Variants in DDX10 observed in about 807,000 individuals in gnomAD.
The protein encoded by DDX10 is DEAD-box helicase 10.
In DDX10, 74 loss-of-function variants were observed where a neutral mutation model predicts 104.3. That is an observed-to-expected ratio of 0.71 (90% CI 0.59 to 0.86). The LOEUF (loss-of-function observed/expected upper bound fraction) is 0.86, where lower values mean the gene tolerates loss of function less well. Ranked by LOEUF, DDX10 falls within the 40% of genes least tolerant of loss-of-function variation. The probability of loss-of-function intolerance (pLI) is 0.00; values close to 1 mark genes in which losing one functional copy is unlikely to be tolerated. For synonymous variants in DDX10, 351 were observed against 353.4 expected, an observed-to-expected ratio of 0.99 and a Z score of 0.08; for missense variants, 952 against 1,040.0, an observed-to-expected ratio of 0.92 and a Z score of 1.16.
intron 13 of DDX10, among the ~76,000 whole-genome samples, chr11:108,807,992 A>G (rs530601350): frequency 4.3e-4 from 65 of 152,320 alleles, no homozygotes; most frequent in African/African-American, 1.4e-3. Context: ...GCGAAGCTGT[A>G]GATACGTCAG....
intron 6 of DDX10, among the ~76,000 whole-genome samples, chr11:108,683,529 A>G (rs1038650162): frequency 6.6e-6 from 1 of 152,152 alleles, no homozygotes; most frequent in East Asian, 1.9e-4. Flanking sequence ...TAGCTCTCAG[A>G]TGCTGCCAGT....
intron 12 of DDX10, among the ~76,000 whole-genome samples, chr11:108,721,764 A>C (rs928019092): frequency 1.3e-5 from 2 of 152,228 alleles, no homozygotes; most frequent in African/African-American, 4.8e-5. Flanking sequence ...TTACTAAAGA[A>C]ACATGTTTTG....
intron 13 of DDX10, among the ~76,000 whole-genome samples, chr11:108,823,597 T>C (rs970055807): frequency 6.6e-6 from 1 of 152,196 alleles, no homozygotes; most frequent in South Asian, 2.1e-4. Flanking sequence ...ATTATTGTAG[T>C]TCTTTGTGAA....
At position 108,838,523 on chromosome 11, in the gene DDX10, T is replaced by C; in HGVS notation, c.2043T>C (p.Asn681=). Residue 681 remains asparagine, a synonymous_variant, in exon 14 of 18, where the codon AAT becomes AAC. Transcript: ENST00000322536. ...VAEAKKVMKR[N]FKVNKKITFT... ...AAGCAAAAAAAGTAATGAAGAGAAA[T>C]TTTAAAGTGAATAAGAAGATAACAT... 6.2e-7 allele frequency: 1 copy of C among 1,612,654 alleles called. No homozygotes were observed. Among genetic ancestry groups the C allele is most frequent in the Non-Finnish European group, 8.5e-7 (1 of 1,179,350 alleles).
chr11:108,750,578 A>G (rs1224115198), intron 13 of DDX10, among the ~76,000 whole-genome samples: 2 of 151,980 alleles, frequency 1.3e-5, no homozygotes, highest in East Asian at 3.9e-4. Context: ...TTCTTAGAGT[A>G]ATGTTTCTAA....
At chr11:108,778,997 A>C (rs1446620592) in intron 13 of DDX10, among the ~76,000 whole-genome samples, 1 of 152,238 alleles carries the variant, frequency 6.6e-6, no homozygotes, top group Non-Finnish European at 1.5e-5. Flanking sequence ...ATACCATCTC[A>C]CACCAGTTAG....
chr11:108,693,877 C>T (rs1315331135), intron 9 of DDX10, among the ~76,000 whole-genome samples: 2 of 152,196 alleles, frequency 1.3e-5, no homozygotes, highest in African/African-American at 4.8e-5. Context: ...TCCTAATGAC[C>T]TGTCAGTTAG....
intron 16 of DDX10, among the ~76,000 whole-genome samples, chr11:108,863,841 A>G (rs2134616900): frequency 6.6e-6 from 1 of 152,286 alleles, no homozygotes; most frequent in East Asian, 1.9e-4. Flanking sequence ...CTGTAAGTCC[A>G]TATTGTGAGT....
chr11:108,815,945 A>G (rs1419822007), intron 13 of DDX10, among the ~76,000 whole-genome samples: 1 of 152,156 alleles, frequency 6.6e-6, no homozygotes, highest in Non-Finnish European at 1.5e-5. Context: ...TATTCAGGTC[A>G]GGTTTTTGTC....
chr11:108,901,257 G>A (rs913692676), intron 16 of DDX10, among the ~76,000 whole-genome samples: 6 of 152,148 alleles, frequency 3.9e-5, no homozygotes, highest in South Asian at 2.1e-4. Context: ...CTTACCATGC[G>A]TACATCATGC....
intron 2 of DDX10, 132 bp from the exon 3 acceptor site, chr11:108,675,464 A>G (rs895911881): frequency 2.9e-5 from 28 of 954,504 alleles, no homozygotes; most frequent in Non-Finnish European, 4.1e-5. Context: ...CCTGTCTCCA[A>G]GTATAGTTAT....
At chr11:108,682,444 C>T (rs528323950) in intron 6 of DDX10, among the ~76,000 whole-genome samples, 20 of 152,326 alleles carry the variant, frequency 1.3e-4, no homozygotes, top group African/African-American at 4.6e-4. Flanking sequence ...CCTATAGCAA[C>T]TTTCTTTGAG....
rs530415985 is a variant in DDX10, at chr11:108,744,041, A to G, written c.1965+20579A>G. Among the ~76,000 whole-genome samples, 4 of 152,318 alleles carry G rather than the reference A, an allele frequency of 2.6e-5. No homozygotes were observed. In the South Asian group the frequency reaches 6.2e-4, roughly 24 times the overall value. The stretch of plus-strand genomic sequence containing the variant: ...GTGTTCACATCTGTGCTGGGTTTAT[A>G]TGTTCTTGCCAACAGTGTACTTAGT... On this transcript the variant is annotated intron_variant, in intron 13 of 17. Coordinates refer to ENST00000322536, the MANE Select transcript of DDX10 (RefSeq NM_004398.4).
chr11:108,815,699 A>G lies in DDX10; in HGVS notation c.1966-22747A>G, dbSNP rs541017989. 2.7e-4 allele frequency among the ~76,000 whole-genome samples: 41 copies of G among 152,292 alleles called. No homozygotes were observed. The Middle Eastern group carries it at 0.01, about 38-fold the overall frequency. ...ATTTCTTTTGATTTTTTTTCTAATA[A>G]ACACAGTGATAAGAATTCTTTATAA... On this transcript the variant is annotated intron_variant, in intron 13 of 17. Transcript: ENST00000322536.
intron 13 of DDX10, among the ~76,000 whole-genome samples, chr11:108,744,940 GCA>G: frequency 6.6e-6 from 1 of 152,208 alleles, no homozygotes; most frequent in East Asian, 1.9e-4. Flanking sequence ...GGATATAAGA[GCA>G]CAGAGTGTGT....
At chr11:108,883,191 A>G (rs1863249731) in intron 16 of DDX10, among the ~76,000 whole-genome samples, 1 of 152,110 alleles carries the variant, frequency 6.6e-6, no homozygotes, top group South Asian at 2.1e-4. Context: ...TCTAGAACCC[A>G]CTTCCTGGTT....
intron 3 of DDX10, among the ~76,000 whole-genome samples, chr11:108,676,247 T>C (rs2094224967): frequency 6.6e-6 from 1 of 152,218 alleles, no homozygotes; most frequent in Admixed American, 6.5e-5. Context: ...CCATCTCTGT[T>C]ACGTTGGTCT....
chr11:108,889,977 G>A (rs182483794), intron 16 of DDX10, among the ~76,000 whole-genome samples: 293 of 152,314 alleles, frequency 1.9e-3, no homozygotes, highest in Non-Finnish European at 3.4e-3. Flanking sequence ...TTCAAAAAAT[G>A]TGTGTTGAAT....
At chr11:108,791,192 G>T (rs570879976) in intron 13 of DDX10, among the ~76,000 whole-genome samples, 1 of 152,176 alleles carries the variant, frequency 6.6e-6, no homozygotes, top group Non-Finnish European at 1.5e-5. Flanking sequence ...ACCATGCTGT[G>T]GGAAAAAGCC....
Sources: allele counts gnomAD v4.1 joint callset (sites outside exome capture counted in the v4.1 genomes callset), GRCh38; gene constraint gnomAD v4.1.1; transcripts MANE v1.5; gene names NCBI Gene and HGNC (gene_info 2026-07-23, HGNC 2026-07-21).